Variants in SLC17A1 observed in about 807,000 individuals in gnomAD.
SLC17A1 encodes solute carrier family 17 member 1.
In SLC17A1, 51 loss-of-function variants were observed where a neutral mutation model predicts 53.5. That is an observed-to-expected ratio of 0.95 (90% CI 0.76 to 1.20). The LOEUF (loss-of-function observed/expected upper bound fraction) is 1.20. SLC17A1 is among the 50% of genes most tolerant of loss of function. The pLI, the probability that SLC17A1 is intolerant of heterozygous loss-of-function variation, is 0.00. For synonymous variants in SLC17A1, 179 were observed against 198.8 expected (o/e 0.90, Z 0.84); for missense variants, 538 against 568.2 (o/e 0.95, Z 0.54).
At chr6:25,738,489 T>A in the SLC17A1 span, among the ~76,000 whole-genome samples, 6 of 151,932 alleles carry the variant, frequency 3.9e-5, no homozygotes, top group Non-Finnish European at 7.4e-5. Context: ...GTCTTTTGAG[T>A]CTAGATGTAT....
chr6:25,756,241 G>A, the SLC17A1 span, among the ~76,000 whole-genome samples: 2 of 152,054 alleles, frequency 1.3e-5, no homozygotes, highest in Non-Finnish European at 2.9e-5. Context: ...CATTCACTCT[G>A]CATCGCCATG....
chr6:25,728,188 C>T, the SLC17A1 span, among the ~76,000 whole-genome samples: 1 of 152,108 alleles, frequency 6.6e-6, no homozygotes, highest in East Asian at 1.9e-4. Flanking sequence ...GAGGAAGTTA[C>T]GTTTTGTGCC....
At chr6:25,819,010 A>G (rs939722522) in intron 6 of SLC17A1, 58 bp downstream of exon 6, 2 of 1,122,358 alleles carry the variant, frequency 1.8e-6, no homozygotes, top group South Asian at 1.6e-5. Context: ...TTGGGTTTTA[A>G]TGTTTAAATT....
At chr6:25,774,961 C>T in the SLC17A1 span, among the ~76,000 whole-genome samples, 2 of 152,166 alleles carry the variant, frequency 1.3e-5, no homozygotes, top group Non-Finnish European at 2.9e-5. Context: ...CTTTTCATTG[C>T]ATTATATTCG....
At chr6:25,795,643 C>T (rs571578771) in intron 12 of SLC17A1, among the ~76,000 whole-genome samples, 54 of 151,914 alleles carry the variant, frequency 3.6e-4, no homozygotes, top group Non-Finnish European at 7.4e-4. Context: ...ATAATTGAAC[C>T]CAGCTATATG....
At chr6:25,789,801 A>G (rs1581448038) in intron 12 of SLC17A1, among the ~76,000 whole-genome samples, 2 of 152,350 alleles carry the variant, frequency 1.3e-5, no homozygotes, top group South Asian at 4.1e-4. Flanking sequence ...ATGCAACATG[A>G]AATTCTGAAG....
chr6:25,768,865 TG>T, the SLC17A1 span: 2 of 914,230 alleles, frequency 2.2e-6, no homozygotes, highest in Non-Finnish European at 3.4e-6. Flanking sequence ...TACAGAGGAA[TG>T]TCTGCTCTCC....
chr6:25,727,325 G>A, the SLC17A1 span: 1 of 1,543,454 alleles, frequency 6.5e-7, no homozygotes, highest in Non-Finnish European at 8.7e-7. Flanking sequence ...CTAACCCAAA[G>A]GCTCTTTTCA....
intron 6 of SLC17A1, among the ~76,000 whole-genome samples, chr6:25,813,436 T>C (rs762864668): frequency 1.3e-5 from 2 of 152,186 alleles, no homozygotes; most frequent in African/African-American, 2.4e-5. Context: ...TCCTATCCTC[T>C]GCTCCCTCCA....
At chr6:25,728,058 G>T in the SLC17A1 span, among the ~76,000 whole-genome samples, 1 of 152,096 alleles carries the variant, frequency 6.6e-6, no homozygotes, top group Non-Finnish European at 1.5e-5. Context: ...GCTACATGCT[G>T]ATACTGGTAT....
chr6:25,768,450 T>C, the SLC17A1 span: 1 of 921,946 alleles, frequency 1.1e-6, no homozygotes, highest in Non-Finnish European at 1.3e-6. Flanking sequence ...GCATAGATTA[T>C]AGTATTAAGA....
intron 10 of SLC17A1, among the ~76,000 whole-genome samples, chr6:25,803,797 G>A (rs1340046578): frequency 6.6e-6 from 1 of 152,028 alleles, no homozygotes; most frequent in Non-Finnish European, 1.5e-5. Context: ...CTTACACAGT[G>A]CTTGCCAGAG....
chr6:25,826,613 G>A lies in SLC17A1; in HGVS notation c.55C>T (p.Arg19Cys), dbSNP rs781043595. The A allele has an allele frequency of 1.1e-5, 17 of 1,572,512 alleles. No homozygotes were observed. The highest frequency in any genetic ancestry group is 2.3e-5 in the East Asian group (1 of 43,204). ...TGCACAAGGAAAGACAATCCATAGCGAAAGGAACAGAAACCTGGAACTACA... is the reference window on the plus strand; with the variant it reads ...TGCACAAGGAAAGACAATCCATAGCAAAAGGAACAGAAACCTGGAACTACA... ...PKKVPGFCSFRYGLSFLVHCC... is the reference protein window; with the variant it reads ...PKKVPGFCSFCYGLSFLVHCC... Residue 19 changes from arginine (R) to cysteine (C), a missense_variant, in exon 3 of 13, where the codon CGC (arginine) becomes TGC (cysteine). Arg to Cys is a radical substitution (Grantham distance 180). Transcript: ENST00000244527.
At chr6:25,805,800 C>A (rs540651426) in intron 10 of SLC17A1, among the ~76,000 whole-genome samples, 1 of 151,960 alleles carries the variant, frequency 6.6e-6, no homozygotes, top group East Asian at 1.9e-4. Flanking sequence ...AACATACAAC[C>A]CTTCTAGATT....
At chr6:25,757,353 C>T in the SLC17A1 span, among the ~76,000 whole-genome samples, 4 of 152,120 alleles carry the variant, frequency 2.6e-5, no homozygotes, top group Non-Finnish European at 5.9e-5. Context: ...TATCCCTTTA[C>T]ATTTTATTCC....
chr6:25,793,488 G>A (rs1466163053), intron 12 of SLC17A1, among the ~76,000 whole-genome samples: 1 of 152,084 alleles, frequency 6.6e-6, no homozygotes, highest in East Asian at 1.9e-4. Flanking sequence ...TCTTGAACAT[G>A]CTCCATCGTG....
the SLC17A1 span, among the ~76,000 whole-genome samples, chr6:25,761,447 C>T: frequency 1.5e-4 from 23 of 152,326 alleles, no homozygotes; most frequent in African/African-American, 5.3e-4. Flanking sequence ...CTGAAGTTAG[C>T]ACAGACATCT....
chr6:25,755,870 C>T, the SLC17A1 span, among the ~76,000 whole-genome samples: 1 of 152,164 alleles, frequency 6.6e-6, no homozygotes, highest in Non-Finnish European at 1.5e-5. Context: ...CAACACTATT[C>T]ACTCATTTGC....
chr6:25,785,239 A>C (rs1763356482), intron 12 of SLC17A1, among the ~76,000 whole-genome samples: 1 of 152,164 alleles, frequency 6.6e-6, no homozygotes, highest in Non-Finnish European at 1.5e-5. Flanking sequence ...ATATTGTAGA[A>C]AGAAATTAAA....
Sources: gnomAD v4.1 joint callset for allele counts (sites outside exome capture counted in the v4.1 genomes callset) on GRCh38, gnomAD v4.1.1 for gene constraint, MANE v1.5 for transcripts, NCBI Gene and HGNC (gene_info 2026-07-23, HGNC 2026-07-21) for gene names.